TBL1X: variants seen among roughly 807,000 people sequenced by gnomAD.
TBL1X encodes F-box-like/WD repeat-containing protein TBL1X.
TBL1X carries 10 observed loss-of-function variants against 50.7 expected under a neutral mutation model. That is an observed-to-expected ratio of 0.20 (90% CI 0.12 to 0.33). The LOEUF (loss-of-function observed/expected upper bound fraction) is 0.33. Among genes scored for constraint, TBL1X ranks in the 10% least tolerant of loss-of-function variants. TBL1X has a pLI of 1.00. For synonymous variants in TBL1X, 190 were observed against 214.7 expected (o/e 0.88, Z 1.01); for missense variants, 340 against 504.4 (o/e 0.67, Z 3.12).
At chrX:9,664,764 C>T (rs948701936) in intron 5 of TBL1X, among the ~76,000 whole-genome samples, 1 of 111,427 alleles carries the variant, frequency 9.0e-6, no homozygotes, top group Non-Finnish European at 1.9e-5. Context: ...TGCATTAACT[C>T]AACATTTTCA....
intron 1 of TBL1X, among the ~76,000 whole-genome samples, chrX:9,467,479 G>C (rs2081783607): frequency 8.9e-6 from 1 of 111,948 alleles, no homozygotes; most frequent in East Asian, 2.8e-4. Flanking sequence ...CTGATGCCTT[G>C]GATTTGCTTT....
Position 9,503,441 on chromosome X carries a change from G to C in TBL1X, c.-131+1592G>C, listed in dbSNP as rs189830888. Among the ~76,000 whole-genome samples the C allele has an allele frequency of 3.4e-3, 384 of 113,312 alleles. 1 individual carries two copies. The highest frequency in any genetic ancestry group is 0.014 in the Middle Eastern group (3 of 216). ...CCTCGGGGAGGGGTGACCAGTACCA[G>C]CTGCAGCTGCCTGCTGTCTAAGCCC... On this transcript the variant is annotated intron_variant, in intron 2 of 17. Transcript: ENST00000645353.
At position 9,693,226 on chromosome X, in the gene TBL1X, C is replaced by T. The variant is rs764770766; in HGVS notation, c.955+14C>T. On this transcript the variant is annotated intron_variant, in intron 10 of 17. Transcript: ENST00000645353. ...GGACGGAAGATGGTGAGTTCTGTGT[C>T]CCTCGTGCTGGGGTCGGGTAAGAGG... 3 of 1,211,315 alleles carry T rather than the reference C, an allele frequency of 2.5e-6. No individual in the cohort carries two copies. The highest frequency in any genetic ancestry group is 3.5e-5 in the African/African-American group (2 of 57,691).
At chrX:9,714,009 C>G (rs1193919194) in intron 16 of TBL1X, among the ~76,000 whole-genome samples, 1 of 110,901 alleles carries the variant, frequency 9.0e-6, no homozygotes, top group Non-Finnish European at 1.9e-5. Context: ...GAGACGAAGT[C>G]TCACTGTGTT....
At chrX:9,544,243 G>C (rs1468736649) in intron 2 of TBL1X, among the ~76,000 whole-genome samples, 1 of 112,492 alleles carries the variant, frequency 8.9e-6, no homozygotes, top group Non-Finnish European at 1.9e-5. Flanking sequence ...TGAAACTCTG[G>C]TGAGGTGTCC....
At chrX:9,622,520 A>G (rs2082672333) in intron 2 of TBL1X, among the ~76,000 whole-genome samples, 1 of 111,321 alleles carries the variant, frequency 9.0e-6, no homozygotes, top group Admixed American at 9.5e-5. Flanking sequence ...CAGTGGTACA[A>G]TTTCAGCTCA....
At chrX:9,613,998 A>AAG (rs2082627413) in intron 2 of TBL1X, among the ~76,000 whole-genome samples, 1 of 108,999 alleles carries the variant, frequency 9.2e-6, no homozygotes, top group Admixed American at 9.8e-5. Context: ...AAAAAAAAAA[A>AAG]AAAAAGAAAA....
chrX:9,480,312 A>G (rs1280794987), intron 1 of TBL1X, among the ~76,000 whole-genome samples: 1 of 111,944 alleles, frequency 8.9e-6, no homozygotes, highest in East Asian at 2.8e-4. Context: ...TGGTTTTTGT[A>G]AAAGGGAATA....
At chrX:9,479,402 C>T (rs762946604) in intron 1 of TBL1X, among the ~76,000 whole-genome samples, 9 of 112,110 alleles carry the variant, frequency 8.0e-5, no homozygotes, top group Non-Finnish European at 9.4e-5. Flanking sequence ...GCTGAGATCA[C>T]GCCACTGCAC....
intron 3 of TBL1X, among the ~76,000 whole-genome samples, chrX:9,651,638 T>C (rs772970915): frequency 8.9e-6 from 1 of 112,627 alleles, no homozygotes; most frequent in South Asian, 3.7e-4. Context: ...TAGGTCATGC[T>C]ATGATTTCAT....
Position 9,717,771 on chromosome X carries a change from A to G in TBL1X, c.*1525A>G, listed in dbSNP as rs2083287981. 1 of 112,439 alleles carries G rather than the reference A, an allele frequency of 8.9e-6. No individual in the cohort carries two copies. The highest frequency in any genetic ancestry group is 3.2e-5 in the African/African-American group (1 of 30,965). 9.3% of individuals were successfully genotyped at this position (112,439 alleles called of 1,213,427 possible). ...GAGGCGCCCGCATGTCACTTAGTCT[A>G]ACGCTGACAGAAATGAATGCAGAAG... On this transcript the variant is annotated 3_prime_UTR_variant, in exon 18 of 18. Coordinates refer to ENST00000645353, the MANE Select transcript of TBL1X (RefSeq NM_005647.4).
intron 1 of TBL1X, among the ~76,000 whole-genome samples, chrX:9,492,849 G>A (rs2081951740): frequency 3.5e-5 from 1 of 28,450 alleles, no homozygotes; most frequent in Non-Finnish European, 6.5e-5. Context: ...GTGTGTGTGT[G>A]TGTGTGTGTG....
chrX:9,646,272 A>T (rs963252705), intron 3 of TBL1X, among the ~76,000 whole-genome samples: 1 of 112,429 alleles, frequency 8.9e-6, no homozygotes, highest in African/African-American at 3.2e-5. Context: ...CGAGAACCAC[A>T]CATTGTCTTC....
intron 1 of TBL1X, among the ~76,000 whole-genome samples, chrX:9,494,589 AAAAAATATTTT>A (rs1333541290): frequency 8.9e-6 from 1 of 112,166 alleles, no homozygotes; most frequent in African/African-American, 3.2e-5. Flanking sequence ...AAGTTTTTTT[AAAAAATATTTT>A]AAAAATATTT....
chrX:9,489,566 A>G (rs765302015), intron 1 of TBL1X, among the ~76,000 whole-genome samples: 2 of 111,527 alleles, frequency 1.8e-5, no homozygotes, highest in South Asian at 3.8e-4. Flanking sequence ...CTTAGGGTTG[A>G]AATGATGTGT....
At chrX:9,569,236 AGTGTGCTGTGTGTGTGTG>A (rs1204046871) in intron 2 of TBL1X, among the ~76,000 whole-genome samples, 4 of 84,393 alleles carry the variant, frequency 4.7e-5, no homozygotes, top group Non-Finnish European at 9.0e-5. Context: ...TGGTGTCTGC[AGTGTGCTGTGTGTGTGTG>A]GTGTGCTGTG....
intron 12 of TBL1X, among the ~76,000 whole-genome samples, chrX:9,703,692 A>G (rs1363116789): frequency 9.0e-6 from 1 of 111,143 alleles, no homozygotes; most frequent in East Asian, 2.8e-4. Flanking sequence ...CCTCCAGCGC[A>G]CTCCCTGTCC....
chrX:9,473,747 C>G (rs1230031213), intron 1 of TBL1X, among the ~76,000 whole-genome samples: 1 of 112,112 alleles, frequency 8.9e-6, no homozygotes, highest in African/African-American at 3.2e-5. Flanking sequence ...ATTTTCAAGA[C>G]ACAGTGGTTC....
In TBL1X at chrX:9,717,694, G is replaced by A. The variant is rs986600325; in HGVS notation, c.*1448G>A. The A allele has an allele frequency of 1.8e-5, 2 of 112,416 alleles. No homozygotes were observed. Among genetic ancestry groups the A allele is most frequent in the Non-Finnish European group, 3.8e-5 (2 of 53,266 alleles). 9.3% of individuals were successfully genotyped at this position (112,416 alleles called of 1,213,427 possible). ...TCTTTCCCACAACCGTATAACGACC[G>A]ATGGTCATTTCTCCAAGAGCAGGCT... On this transcript the variant is annotated 3_prime_UTR_variant, in exon 18 of 18. Transcript: ENST00000645353.
Sources: gnomAD v4.1 joint callset for allele counts (sites outside exome capture counted in the v4.1 genomes callset) on GRCh38, gnomAD v4.1.1 for gene constraint, MANE v1.5 for transcripts, NCBI Gene and HGNC (gene_info 2026-07-23, HGNC 2026-07-21) for gene names.